The following GLCE variants were observed in gnomAD, a reference collection of about 807,000 sequenced individuals.
The protein encoded by GLCE is D-glucuronyl C5-epimerase.
GLCE carries 19 observed loss-of-function variants against 47.9 expected under a neutral mutation model. That is an observed-to-expected ratio of 0.40 (90% confidence interval 0.28 to 0.58). The LOEUF (loss-of-function observed/expected upper bound fraction) is 0.58. GLCE is among the 20% of genes least tolerant of loss of function. The pLI, the probability that GLCE is intolerant of heterozygous loss-of-function variation, is 0.48. For missense variants in GLCE, 556 were observed against 743.3 expected (o/e 0.75, Z 2.93); for synonymous variants, 245 against 263.4 (o/e 0.93, Z 0.68).
chr15:69,191,842 C>T lies in GLCE; in HGVS notation c.-104-18474C>T, dbSNP rs2051917861. ...AGCACTCCTGAGCCTGCTGTGTTAC[C>T]TTTTTCCTGCATACTAGGTTGCCTT... On this transcript the variant is annotated intron_variant, in intron 1 of 4. Coordinates refer to ENST00000261858, the MANE Select transcript of GLCE (RefSeq NM_015554.3). 2.0e-5 allele frequency among the ~76,000 whole-genome samples: 3 copies of T among 152,092 alleles called. No homozygotes were observed. The South Asian group carries it at 6.2e-4, about 32-fold the overall frequency.
At chr15:69,220,772 T>G (rs1048699490) in intron 2 of GLCE, among the ~76,000 whole-genome samples, 1 of 152,204 alleles carries the variant, frequency 6.6e-6, no homozygotes. Flanking sequence ...ATGCACAACA[T>G]TTTAAGTTTT....
At chr15:69,178,605 A>T (rs2051706677) in intron 1 of GLCE, among the ~76,000 whole-genome samples, 1 of 152,112 alleles carries the variant, frequency 6.6e-6, no homozygotes, top group Non-Finnish European at 1.5e-5. Context: ...TCAAATGCAA[A>T]TTTAAACAGG....
chr15:69,269,824 T>C lies in GLCE; in HGVS notation c.*580T>C, dbSNP rs1469358551. The C allele has an allele frequency of 4.6e-5, 7 of 152,692 alleles. No individual in the cohort carries two copies. The highest frequency in any genetic ancestry group is 4.6e-4 in the Admixed American group (7 of 15,280). The allele number at this position is 152,692 out of a possible 1,614,324, so 9.5% of individuals were successfully genotyped here. On this transcript the variant is annotated 3_prime_UTR_variant, in exon 5 of 5. Transcript: ENST00000261858. ...GTTGTATATGGTGAATATTTAATTA[T>C]GGTTTTCTTGAAACGTGTAAATTAA...
intron 4 of GLCE, among the ~76,000 whole-genome samples, chr15:69,261,836 G>A (rs1009339219): frequency 6.6e-6 from 1 of 152,124 alleles, no homozygotes; most frequent in African/African-American, 2.4e-5. Flanking sequence ...TTCATGTAAA[G>A]TCATTTTCAT....
chr15:69,174,776 A>G (rs2051637532), intron 1 of GLCE, among the ~76,000 whole-genome samples: 1 of 152,014 alleles, frequency 6.6e-6, no homozygotes, highest in Non-Finnish European at 1.5e-5. Context: ...TGACCTTCAT[A>G]TTTTTTTATC....
rs2053173633 is a variant in GLCE at position 69,272,066 on chromosome 15, CAT to C, written c.*2823_*2824del. 1.3e-5 allele frequency: 2 copies of C among 152,610 alleles called. No homozygotes were observed. Among genetic ancestry groups the C allele is most frequent in the African/African-American group, 4.8e-5 (2 of 41,438 alleles). 9.5% of individuals were successfully genotyped at this position (152,610 alleles called of 1,614,324 possible). A position where few individuals can be genotyped will look rare whatever the true frequency, so the allele number is the denominator to read the frequency against. ...CTTTGCAGTTTAAGCACAATGTGCA[CAT>C]GTTAGTTTTATATACAGCAAAACTT... On this transcript the variant is annotated 3_prime_UTR_variant, in exon 5 of 5. Coordinates refer to ENST00000261858, the MANE Select transcript of GLCE (RefSeq NM_015554.3).
intron 1 of GLCE, among the ~76,000 whole-genome samples, chr15:69,183,363 A>G (rs2051777662): frequency 6.6e-6 from 1 of 152,190 alleles, no homozygotes; most frequent in Non-Finnish European, 1.5e-5. Context: ...GTTAGGAAGA[A>G]TTGTCTGGAA....
chr15:69,196,934 A>G, intron 1 of GLCE: 2 of 203,964 alleles, frequency 9.8e-6, no homozygotes, highest in Non-Finnish European at 2.0e-5. Context: ...TTGGACTGAG[A>G]AGAAGCTCCA....
At chr15:69,242,471 CTATA>C (rs1431699025) in intron 2 of GLCE, among the ~76,000 whole-genome samples, 1 of 151,860 alleles carries the variant, frequency 6.6e-6, no homozygotes, top group Non-Finnish European at 1.5e-5. Flanking sequence ...AGCTATGCAT[CTATA>C]TATCTATATA....
At chr15:69,263,452 C>T (rs1267693353) in intron 4 of GLCE, among the ~76,000 whole-genome samples, 1 of 150,534 alleles carries the variant, frequency 6.6e-6, no homozygotes, top group Admixed American at 6.6e-5. Context: ...TCTTGGCCTT[C>T]GATTTTTTTT....
intron 1 of GLCE, among the ~76,000 whole-genome samples, chr15:69,166,781 G>C (rs924433025): frequency 6.6e-6 from 1 of 151,396 alleles, no homozygotes; most frequent in Non-Finnish European, 1.5e-5. Context: ...TTAGCCGGGC[G>C]TGGTGGCACA....
Position 69,256,240 on chromosome 15 carries a change from A to G in GLCE, c.434A>G (p.Gln145Arg), listed in dbSNP as rs764253514. ...KYFDVYGKVV[Q>R]YDGYDRFEFS... ...TTTGATGTTTATGGAAAGGTGGTTCAGTATGATGGCTATGATCGGTTTGAA... is the reference window on the plus strand; with the variant it reads ...TTTGATGTTTATGGAAAGGTGGTTCGGTATGATGGCTATGATCGGTTTGAA... Residue 145 changes from glutamine to arginine, a missense_variant, in exon 3 of 5, where the codon CAG becomes CGG. Gln to Arg is a conservative substitution (Grantham distance 43). Transcript: ENST00000261858. The G allele has an allele frequency of 1.2e-6, 2 of 1,614,152 alleles. No individual in the cohort carries two copies. Among genetic ancestry groups the G allele is most frequent in the Non-Finnish European group, 1.7e-6 (2 of 1,179,986 alleles).
chr15:69,227,266 G>A (rs998962378), intron 2 of GLCE, among the ~76,000 whole-genome samples: 2 of 152,084 alleles, frequency 1.3e-5, no homozygotes, highest in Non-Finnish European at 1.5e-5. Context: ...AGATTATCCT[G>A]ACTAACTAAT....
chr15:69,242,829 T>G (rs548200822), intron 2 of GLCE, among the ~76,000 whole-genome samples: 1 of 151,830 alleles, frequency 6.6e-6, no homozygotes, highest in South Asian at 2.1e-4. Flanking sequence ...GGGTGTTGCT[T>G]GAGTTCAGAA....
chr15:69,179,239 A>G lies in GLCE; in HGVS notation c.-105+18482A>G, dbSNP rs181301696. Among the ~76,000 whole-genome samples the G allele has an allele frequency of 2.1e-4, 32 of 152,326 alleles. No individual in the cohort carries two copies. The East Asian group carries it at 5.8e-3, about 28-fold the overall frequency. ...GTTGGGTTTGGTTGTGTACACTTTT[A>G]TACTGCTTGAGTATTTATTTCTTGT... On this transcript the variant is annotated intron_variant, in intron 1 of 4. Transcript: ENST00000261858.
chr15:69,195,306 C>T (rs1026217258), intron 1 of GLCE, among the ~76,000 whole-genome samples: 3 of 151,658 alleles, frequency 2.0e-5, no homozygotes, highest in African/African-American at 7.3e-5. Context: ...ATAGTCTCAG[C>T]TAAATTTTTT....
At chr15:69,187,242 G>A (rs1019530820) in intron 1 of GLCE, among the ~76,000 whole-genome samples, 7 of 151,924 alleles carry the variant, frequency 4.6e-5, no homozygotes, top group African/African-American at 1.2e-4. Flanking sequence ...TGTTAGACTT[G>A]GGGCCATAGC....
intron 2 of GLCE, among the ~76,000 whole-genome samples, chr15:69,245,170 T>TA (rs1396969911): frequency 6.6e-6 from 1 of 151,776 alleles, no homozygotes; most frequent in Non-Finnish European, 1.5e-5. Context: ...CTTTCTCTAC[T>TA]AAAAATGCAA....
intron 1 of GLCE, among the ~76,000 whole-genome samples, chr15:69,161,148 C>T (rs1595727409): frequency 6.6e-6 from 1 of 151,930 alleles, no homozygotes; most frequent in East Asian, 1.9e-4. Flanking sequence ...GGTCTTTTTA[C>T]CCGGGTCCCG....
Sources: gnomAD v4.1 joint callset for allele counts (sites outside exome capture counted in the v4.1 genomes callset) on GRCh38, gnomAD v4.1.1 for gene constraint, MANE v1.5 for transcripts, NCBI Gene and HGNC (gene_info 2026-07-23, HGNC 2026-07-21) for gene names.